Variants in GALNT13 observed in about 807,000 individuals in gnomAD.
GALNT13 encodes polypeptide N-acetylgalactosaminyltransferase 13.
GALNT13 carries 28 observed loss-of-function variants against 64.2 expected under a neutral mutation model. The observed-to-expected ratio is 0.44, with a 90% CI of 0.32 to 0.60. The LOEUF is 0.60. Among genes scored for constraint, GALNT13 ranks in the 20% least tolerant of loss-of-function variants. The pLI is 0.05. For missense variants in GALNT13, 577 were observed against 669.8 expected (o/e 0.86, Z 1.53); for synonymous variants, 214 against 224.6 (o/e 0.95, Z 0.42).
chr2:153,608,295 G>A, the GALNT13 span, among the ~76,000 whole-genome samples: 1 of 152,066 alleles, frequency 6.6e-6, no homozygotes, highest in Non-Finnish European at 1.5e-5. Context: ...AATATAAATC[G>A]TGAGGACAAG....
chr2:153,633,165 G>A, the GALNT13 span, among the ~76,000 whole-genome samples: 1 of 152,026 alleles, frequency 6.6e-6, no homozygotes, highest in African/African-American at 2.4e-5. Flanking sequence ...CCCATTTTGG[G>A]AAACTGAAAT....
intron 1 of GALNT13, among the ~76,000 whole-genome samples, chr2:153,879,794 G>A (rs987163678): frequency 6.6e-6 from 1 of 152,190 alleles, no homozygotes; most frequent in Non-Finnish European, 1.5e-5. Context: ...GATATTTCTC[G>A]AGTTGGAAAA....
chr2:154,126,413 A>G lies in GALNT13; in HGVS notation c.143-13924A>G, dbSNP rs374127589. Among the ~76,000 whole-genome samples, 729 of 152,204 alleles carry G rather than the reference A, an allele frequency of 4.8e-3. 6 individuals are homozygous for G. The highest frequency in any genetic ancestry group is 0.017 in the African/African-American group (687 of 41,536). ...CACTTTGGAAGGCCGAGGCGGGCAGATCACGAGGTCAGGGGATGGAGACCA... is the reference window on the plus strand; with the variant it reads ...CACTTTGGAAGGCCGAGGCGGGCAGGTCACGAGGTCAGGGGATGGAGACCA... On this transcript the variant is annotated intron_variant, in intron 3 of 12. Coordinates refer to ENST00000392825, the MANE Select transcript of GALNT13 (RefSeq NM_052917.4).
At chr2:153,760,144 T>C in the GALNT13 span, among the ~76,000 whole-genome samples, 1 of 151,952 alleles carries the variant, frequency 6.6e-6, no homozygotes, top group African/African-American at 2.4e-5. Context: ...TTCTCTTTTT[T>C]CTGACTTTAG....
chr2:153,598,361 A>G, the GALNT13 span, among the ~76,000 whole-genome samples: 28 of 151,634 alleles, frequency 1.8e-4, no homozygotes, highest in African/African-American at 6.8e-4. Context: ...CCCCTTCTTC[A>G]AAAAGCTTTT....
chr2:153,704,666 C>T, the GALNT13 span, among the ~76,000 whole-genome samples: 1 of 152,112 alleles, frequency 6.6e-6, no homozygotes, highest in African/African-American at 2.4e-5. Context: ...CATTTTTCTG[C>T]TTCTTAACAA....
intron 3 of GALNT13, among the ~76,000 whole-genome samples, chr2:154,021,440 A>G (rs1009360277): frequency 3.3e-5 from 5 of 152,096 alleles, no homozygotes; most frequent in African/African-American, 9.7e-5. Flanking sequence ...TGGATTCCTA[A>G]GTATTTTATT....
chr2:153,523,041 C>CTGTTTT, the GALNT13 span, among the ~76,000 whole-genome samples: 3 of 74,778 alleles, frequency 4.0e-5, no homozygotes, highest in African/African-American at 2.3e-4. Context: ...TCTGTGTTTA[C>CTGTTTT]TATTTTTTTT....
the GALNT13 span, among the ~76,000 whole-genome samples, chr2:153,646,647 G>T: frequency 6.6e-6 from 1 of 151,858 alleles, no homozygotes; most frequent in Non-Finnish European, 1.5e-5. Context: ...GGTGTGCGAT[G>T]TTCCCCTTCC....
chr2:153,471,440 A>AG, the GALNT13 span, among the ~76,000 whole-genome samples: 36 of 152,222 alleles, frequency 2.4e-4, no homozygotes, highest in African/African-American at 8.7e-4. Context: ...CACAGAGAAG[A>AG]GAAATAGAGA....
the GALNT13 span, among the ~76,000 whole-genome samples, chr2:153,638,811 T>C: frequency 1.3e-5 from 2 of 152,082 alleles, no homozygotes; most frequent in Admixed American, 6.6e-5. Flanking sequence ...ATAAATGTCA[T>C]TGGCTAAGAG....
At chr2:153,819,114 G>A in the GALNT13 span, among the ~76,000 whole-genome samples, 246 of 152,170 alleles carry the variant, frequency 1.6e-3, no homozygotes, top group African/African-American at 5.6e-3. Context: ...AGCTCAGGCC[G>A]ACTCAACCAT....
At chr2:153,514,140 C>G in the GALNT13 span, among the ~76,000 whole-genome samples, 1 of 151,718 alleles carries the variant, frequency 6.6e-6, no homozygotes, top group Non-Finnish European at 1.5e-5. Flanking sequence ...TATTTTCATC[C>G]TCATATATCT....
the GALNT13 span, among the ~76,000 whole-genome samples, chr2:153,475,861 A>G: frequency 6.6e-6 from 1 of 152,322 alleles, no homozygotes; most frequent in South Asian, 2.1e-4. Context: ...CAGAGAATCC[A>G]TTGCTCTGCT....
chr2:153,278,474 T>G, the GALNT13 span, among the ~76,000 whole-genome samples: 1 of 152,142 alleles, frequency 6.6e-6, no homozygotes, highest in Non-Finnish European at 1.5e-5. Context: ...CTTCAAGGAT[T>G]CTTATAGTTT....
chr2:153,677,164 A>G, the GALNT13 span, among the ~76,000 whole-genome samples: 1 of 152,050 alleles, frequency 6.6e-6, no homozygotes, highest in Admixed American at 6.6e-5. Context: ...GATGTGGTAA[A>G]CTACTTCACC....
At chr2:153,164,446 A>T in the GALNT13 span, among the ~76,000 whole-genome samples, 1 of 152,130 alleles carries the variant, frequency 6.6e-6, no homozygotes, top group Admixed American at 6.5e-5. Flanking sequence ...TTGAGTATAC[A>T]TCTTGGCAAA....
At chr2:153,158,783 G>A in the GALNT13 span, among the ~76,000 whole-genome samples, 3 of 152,184 alleles carry the variant, frequency 2.0e-5, no homozygotes, top group South Asian at 6.2e-4. Flanking sequence ...CATTTGAAAT[G>A]GATGTTTTAC....
At chr2:154,128,580 G>T (rs1682430784) in intron 3 of GALNT13, among the ~76,000 whole-genome samples, 1 of 152,038 alleles carries the variant, frequency 6.6e-6, no homozygotes, top group African/African-American at 2.4e-5. Context: ...TCAGCAGCTG[G>T]TTTATACAGA....
Sources: gnomAD v4.1 joint callset for allele counts (sites outside exome capture counted in the v4.1 genomes callset) on GRCh38, gnomAD v4.1.1 for gene constraint, MANE v1.5 for transcripts, NCBI Gene and HGNC (gene_info 2026-07-23, HGNC 2026-07-21) for gene names.